Variants in NANS observed in about 807,000 individuals in gnomAD.
NANS encodes the protein N-acetylneuraminate-9-phosphate synthase.
NANS carries 29 observed loss-of-function variants against 33.3 expected under a neutral mutation model. The ratio of observed to expected loss-of-function variants is 0.87; its 90% CI spans 0.65 to 1.19. NANS has a LOEUF of 1.19. Ranked by LOEUF, NANS falls within the 50% of genes most tolerant of loss-of-function variation. The pLI, the probability that NANS is intolerant of heterozygous loss-of-function variation, is 0.00. For synonymous variants in NANS, 163 were observed against 177.2 expected (o/e 0.92, Z 0.64); for missense variants, 394 against 461.1 (o/e 0.85, Z 1.33).
At chr9:98,064,498 C>T (rs761104854) in intron 2 of NANS, among the ~76,000 whole-genome samples, 5 of 152,102 alleles carry the variant, frequency 3.3e-5, no homozygotes, top group Non-Finnish European at 7.4e-5. Flanking sequence ...TTCAGTGATC[C>T]GCCTGCCTCG....
intron 2 of NANS, among the ~76,000 whole-genome samples, chr9:98,070,574 C>T (rs974569618): frequency 6.6e-6 from 1 of 151,950 alleles, no homozygotes; most frequent in Non-Finnish European, 1.5e-5. Context: ...GTACCCGCCA[C>T]CACACCCGAC....
intron 2 of NANS, among the ~76,000 whole-genome samples, chr9:98,071,305 G>A (rs958376996): frequency 1.3e-5 from 2 of 152,232 alleles, no homozygotes; most frequent in African/African-American, 4.8e-5. Flanking sequence ...ACACCCTGCT[G>A]TGTGGCCCAT....
chr9:98,063,654 G>A (rs943297607), intron 2 of NANS, among the ~76,000 whole-genome samples: 1 of 151,794 alleles, frequency 6.6e-6, no homozygotes, highest in African/African-American at 2.4e-5. Context: ...TGATCCTCCT[G>A]TCTCAGCCTG....
chr9:98,070,583 A>C (rs1324498361), intron 2 of NANS, among the ~76,000 whole-genome samples: 1 of 150,584 alleles, frequency 6.6e-6, no homozygotes, highest in African/African-American at 2.4e-5. Context: ...ACCACACCCG[A>C]CTAATTTTTG....
At chr9:98,070,889 G>A (rs1829311114) in intron 2 of NANS, among the ~76,000 whole-genome samples, 3 of 149,340 alleles carry the variant, frequency 2.0e-5, no homozygotes, top group Admixed American at 1.3e-4. Context: ...ATAGCTCACC[G>A]CAGCCTTGAC....
At chr9:98,071,492 G>T (rs911764773) in intron 2 of NANS, among the ~76,000 whole-genome samples, 1 of 152,244 alleles carries the variant, frequency 6.6e-6, no homozygotes, top group South Asian at 2.1e-4. Context: ...GGGAGGGAAA[G>T]TGAAGATTAA....
Position 98,057,639 on chromosome 9 carries a change from C to T in NANS, c.132+699C>T, listed in dbSNP as rs142680405. Among the ~76,000 whole-genome samples the T allele has an allele frequency of 4.6e-3, 694 of 152,256 alleles. 55 individuals are homozygous for T. The South Asian group carries it at 0.13, about 29-fold the overall frequency. ...AGCTCTGAGCCCAGCACTTGGCACA[C>T]ATGAGTCGGTAAATGCGTGCTCCCT... On this transcript the variant is annotated intron_variant, in intron 1 of 5. Transcript: ENST00000210444.
chr9:98,061,159 G>A (rs1828963630), intron 2 of NANS, 162 bp downstream of exon 2: 2 of 654,032 alleles, frequency 3.1e-6, no homozygotes, highest in Non-Finnish European at 5.3e-6. Context: ...AGAATCTGTG[G>A]GAAGGATGCC....
chr9:98,059,055 G>A (rs957850575), intron 1 of NANS, among the ~76,000 whole-genome samples: 11 of 151,374 alleles, frequency 7.3e-5, no homozygotes, highest in African/African-American at 2.7e-4. Flanking sequence ...ACGGAGTCTC[G>A]CTGTGTCACC....
At chr9:98,080,710 C>G in intron 4 of NANS, 106 bp from the exon 5 acceptor site, 14 of 1,305,844 alleles carry the variant, frequency 1.1e-5, no homozygotes, top group Non-Finnish European at 1.4e-5. Context: ...CCTGGCTGCA[C>G]AGCTAGTGAG....
At chr9:98,079,653 A>T (rs368855196) in intron 4 of NANS, among the ~76,000 whole-genome samples, 47 of 152,270 alleles carry the variant, frequency 3.1e-4, no homozygotes, top group African/African-American at 1.1e-3. Context: ...CTCCCATCCC[A>T]CAGAGATTCC....
At chr9:98,061,199 G>A (rs968304908) in intron 2 of NANS, 4 of 576,566 alleles carry the variant, frequency 6.9e-6, no homozygotes, top group South Asian at 4.0e-5. Context: ...GTCTCTGGCC[G>A]GGCTTGATGG....
intron 2 of NANS, chr9:98,069,684 C>G (rs1016185985): frequency 6.6e-6 from 1 of 152,214 alleles, no homozygotes; most frequent in Non-Finnish European, 1.5e-5. Context: ...GCTTCCATGA[C>G]ATTCTGGAAA....
chr9:98,074,743 C>G (rs1251109340), intron 2 of NANS: 1 of 152,292 alleles, frequency 6.6e-6, no homozygotes, highest in East Asian at 1.9e-4. Context: ...CCCGATCGCT[C>G]TGCCCCTCTC....
intron 2 of NANS, 46 bp from the exon 3 acceptor site, chr9:98,076,872 G>GT (rs756940519): frequency 2.3e-5 from 35 of 1,493,860 alleles, no homozygotes; most frequent in Non-Finnish European, 2.9e-5. Flanking sequence ...TAACAACAGT[G>GT]TTTTTGGACA....
chr9:98,068,828 TAA>T (rs35363398), intron 2 of NANS, among the ~76,000 whole-genome samples: 44,384 of 143,034 alleles, frequency 0.31, 8,479 homozygotes, highest in African/African-American at 0.55. Flanking sequence ...ATCCTGTCTC[TAA>T]AAAAAAAAAA....
rs1308912641 is a variant in NANS at position 98,080,988 on chromosome 9, T to C, written c.776T>C (p.Leu259Pro). The change falls in exon 5 of 6, where the codon CTG becomes CCG. Residue 259 changes from leucine to proline, a missense_variant. Coordinates refer to ENST00000210444, the MANE Select transcript of NANS (RefSeq NM_018946.4). ...TCGGCCTCGCTGGAGCCTGGAGAAC[T>C]GGCCGAGCTGGTGCGGTCAGTGCGT... ...DHSASLEPGE[L>P]AELVRSVRLV... The C allele has an allele frequency of 1.2e-6, 2 of 1,614,198 alleles. No homozygotes were observed. The highest frequency in any genetic ancestry group is 1.1e-5 in the South Asian group (1 of 91,086).
chr9:98,061,044 G>T (rs748187810), intron 2 of NANS, 47 bp downstream of exon 2: 3 of 1,589,234 alleles, frequency 1.9e-6, no homozygotes, highest in African/African-American at 2.7e-5. Context: ...CAGACCAAGG[G>T]TCAGCAGGCA....
At chr9:98,064,613 A>T (rs560317961) in intron 2 of NANS, among the ~76,000 whole-genome samples, 9 of 152,156 alleles carry the variant, frequency 5.9e-5, no homozygotes, top group South Asian at 2.1e-4. Context: ...ACATACAGTA[A>T]TATATTTTAT....
Sources: allele counts gnomAD v4.1 joint callset (sites outside exome capture counted in the v4.1 genomes callset), GRCh38; gene constraint gnomAD v4.1.1; transcripts MANE v1.5; gene names NCBI Gene and HGNC (gene_info 2026-07-23, HGNC 2026-07-21).